The following RORA variants were observed in gnomAD, a reference collection of about 807,000 sequenced individuals.
RORA encodes the protein nuclear receptor ROR-alpha.
A neutral mutation model predicts 69.5 loss-of-function variants in RORA; 7 were observed. The observed-to-expected ratio is 0.10, with a 90% confidence interval of 0.06 to 0.19. RORA has a LOEUF of 0.19. Ranked by LOEUF, RORA falls within the 10% of genes least tolerant of loss-of-function variation. RORA has a pLI of 1.00. For missense variants in RORA, 457 were observed against 663.0 expected, an observed-to-expected ratio of 0.69 and a Z score of 3.41; for synonymous variants, 261 against 240.8, an observed-to-expected ratio of 1.08 and a Z score of -0.78.
rs954084888 is a variant in RORA at position 61,128,339 on chromosome 15, A to G, written c.166+100714T>C. 3.2e-4 allele frequency among the ~76,000 whole-genome samples: 47 copies of G among 148,504 alleles called. No homozygotes were observed. Among genetic ancestry groups the G allele is most frequent in the Middle Eastern group, 3.6e-3 (1 of 276 alleles). ...TTTTTTAAACTGCAAATACAGAAAG[A>G]AAAAAAAAATCTAAACAGTATATAA... On this transcript the variant is annotated intron_variant, in intron 1 of 10. Coordinates refer to ENST00000335670, the MANE Select transcript of RORA (RefSeq NM_134261.3). The surrounding 1 kb of genome is among the most constrained non-coding windows in gnomAD (Gnocchi z 4.5).
intron 4 of RORA, among the ~76,000 whole-genome samples, chr15:60,512,266 C>A (rs915497165): frequency 6.6e-6 from 1 of 152,038 alleles, no homozygotes; most frequent in African/African-American, 2.4e-5. Context: ...AACCCTGAGA[C>A]CCATCTTTAT....
At chr15:60,784,269 G>A (rs958582033) in intron 1 of RORA, among the ~76,000 whole-genome samples, 2 of 152,132 alleles carry the variant, frequency 1.3e-5, no homozygotes, top group African/African-American at 4.8e-5. Context: ...TTATTCCTTT[G>A]CAGTAAAATA....
chr15:60,871,313 C>A (rs900930060), intron 1 of RORA, among the ~76,000 whole-genome samples: 3 of 152,200 alleles, frequency 2.0e-5, no homozygotes, highest in South Asian at 4.1e-4. Flanking sequence ...TATTTGGTAA[C>A]CTTCCTGTTA....
intron 1 of RORA, among the ~76,000 whole-genome samples, chr15:61,182,559 G>A (rs974855663): frequency 6.6e-6 from 1 of 152,218 alleles, no homozygotes; most frequent in Non-Finnish European, 1.5e-5. Flanking sequence ...CCACAGTGCT[G>A]TTTCCAGTAG....
At chr15:60,762,434 G>A (rs1386559765) in intron 1 of RORA, among the ~76,000 whole-genome samples, 1 of 152,170 alleles carries the variant, frequency 6.6e-6, no homozygotes, top group Non-Finnish European at 1.5e-5. Flanking sequence ...TCAAACCAGA[G>A]GCCTGGGCCT....
intron 3 of RORA, among the ~76,000 whole-genome samples, chr15:60,524,905 G>T (rs1465429410): frequency 2.0e-5 from 3 of 152,162 alleles, no homozygotes; most frequent in Non-Finnish European, 2.9e-5. Context: ...CTTAAGAGAG[G>T]TTAAGCCGTG....
At chr15:60,809,260 A>C (rs960523521) in intron 1 of RORA, among the ~76,000 whole-genome samples, 2 of 152,254 alleles carry the variant, frequency 1.3e-5, no homozygotes, top group Non-Finnish European at 2.9e-5. Flanking sequence ...GGTGGATATC[A>C]AACTTGAATT....
chr15:60,776,989 CTGTT>C (rs1430336113), intron 1 of RORA, among the ~76,000 whole-genome samples: 1 of 152,148 alleles, frequency 6.6e-6, no homozygotes, highest in Non-Finnish European at 1.5e-5. Flanking sequence ...GAGTATTTGT[CTGTT>C]TATCTTCATT....
At chr15:60,591,964 C>G (rs2140522311) in intron 2 of RORA, among the ~76,000 whole-genome samples, 1 of 152,132 alleles carries the variant, frequency 6.6e-6, no homozygotes, top group Middle Eastern at 3.4e-3. Flanking sequence ...CGGCGCCTCC[C>G]CGACCTAGGC....
At position 60,494,276 on chromosome 15, in the gene RORA, TC is replaced by T. The variant is rs377705298; in HGVS notation, c.*3178del. On this transcript the variant is annotated 3_prime_UTR_variant, in exon 11 of 11. Coordinates refer to ENST00000335670, the MANE Select transcript of RORA (RefSeq NM_134261.3). The stretch of plus-strand genomic sequence containing the variant: ...TGCATTGTGACCAAGGCCAGGTTTT[TC>T]ACAATATAATAACCATTTGGACACC... The T allele has an allele frequency of 1.2e-3, 188 of 152,300 alleles. 3 individuals are homozygous for T. The highest frequency in any genetic ancestry group is 4.3e-3 in the African/African-American group (178 of 41,556). The allele number at this position is 152,300 out of a possible 1,614,324, so 9.4% of individuals were successfully genotyped here. A position where few individuals can be genotyped will look rare whatever the true frequency, so the allele number is the denominator to read the frequency against.
At chr15:60,815,487 A>T (rs1025057589) in intron 1 of RORA, among the ~76,000 whole-genome samples, 4 of 152,122 alleles carry the variant, frequency 2.6e-5, no homozygotes, top group African/African-American at 7.2e-5. Flanking sequence ...ACAGCACTGA[A>T]CTTGAACAAA....
chr15:60,739,139 C>T (rs76194388), intron 1 of RORA, among the ~76,000 whole-genome samples: 2,757 of 152,266 alleles, frequency 0.018, 94 homozygotes, highest in African/African-American at 0.064. Flanking sequence ...CAACCCATAA[C>T]CCAGGGCTGT....
At chr15:61,095,514 G>C (rs1370005960) in intron 1 of RORA, among the ~76,000 whole-genome samples, 1 of 152,102 alleles carries the variant, frequency 6.6e-6, no homozygotes, top group Non-Finnish European at 1.5e-5. Context: ...GAGGAATCTT[G>C]GCTACTTTGT....
intron 2 of RORA, among the ~76,000 whole-genome samples, chr15:60,617,525 A>G (rs954708265): frequency 1.3e-5 from 2 of 152,206 alleles, no homozygotes; most frequent in African/African-American, 4.8e-5. Context: ...GACTGCCTGC[A>G]GAACTGTCAT....
intron 1 of RORA, among the ~76,000 whole-genome samples, chr15:61,189,701 C>CA (rs1471928320): frequency 6.6e-6 from 1 of 151,540 alleles, no homozygotes; most frequent in African/African-American, 2.4e-5. Flanking sequence ...ACTAAAAATA[C>CA]AAAAAATTAG....
chr15:60,705,472 T>C (rs2071048385), intron 1 of RORA, among the ~76,000 whole-genome samples: 2 of 152,258 alleles, frequency 1.3e-5, no homozygotes, highest in South Asian at 4.1e-4. Flanking sequence ...TGGGATTTAA[T>C]CAAAGGATTC....
chr15:60,835,736 T>C (rs558006846), intron 1 of RORA, among the ~76,000 whole-genome samples: 4 of 152,334 alleles, frequency 2.6e-5, no homozygotes, highest in South Asian at 4.1e-4. Context: ...ATTTGTACAT[T>C]TGAACTCAAG....
In RORA at chr15:60,713,619, C is replaced by T. The variant is rs567756064; in HGVS notation, c.167-34933G>A. Among the ~76,000 whole-genome samples the T allele has an allele frequency of 1.6e-4, 25 of 152,260 alleles. 1 individual carries two copies. Among genetic ancestry groups the T allele is most frequent in the Admixed American group, 1.1e-3 (17 of 15,304 alleles). On this transcript the variant is annotated intron_variant, in intron 1 of 10. Transcript: ENST00000335670. ...GTCATATTCAGCCCTTAGGAATATT[C>T]CCACAGGAGGGAGGTGATGTAATAT...
intron 2 of RORA, chr15:60,593,042 A>G (rs1011557650): frequency 4.6e-6 from 2 of 437,572 alleles, no homozygotes; most frequent in Non-Finnish European, 9.2e-6. Flanking sequence ...ATCGGAAGGT[A>G]CGGCCCACTT....
Sources: gnomAD v4.1 joint callset for allele counts (sites outside exome capture counted in the v4.1 genomes callset) on GRCh38, gnomAD v4.1.1 for gene constraint, Gnocchi (gnomAD v3.1) non-coding constraint, MANE v1.5 for transcripts, NCBI Gene and HGNC (gene_info 2026-07-23, HGNC 2026-07-21) for gene names.